The following SDK1 variants were observed in gnomAD, a reference collection of about 807,000 sequenced individuals.
SDK1 encodes the protein protein sidekick-1.
In SDK1, 157 loss-of-function variants were observed where a neutral mutation model predicts 245.5. The observed-to-expected ratio is 0.64, with a 90% CI of 0.56 to 0.73. The LOEUF (loss-of-function observed/expected upper bound fraction) is 0.73. Ranked by LOEUF, SDK1 falls within the 30% of genes least tolerant of loss-of-function variation. The pLI, the probability that SDK1 is intolerant of heterozygous loss-of-function variation, is 0.00. For missense variants in SDK1, 3,583 were observed against 3,002.3 expected, an observed-to-expected ratio of 1.19 and a Z score of -4.52; for synonymous variants, 1,647 against 1,278.5, an observed-to-expected ratio of 1.29 and a Z score of -6.15.
intron 2 of SDK1, among the ~76,000 whole-genome samples, chr7:3,621,719 G>A (rs1781945217): frequency 6.6e-6 from 1 of 152,174 alleles, no homozygotes; most frequent in Admixed American, 6.5e-5. Context: ...TACCTTATCT[G>A]AGTCTTCCTG....
chr7:3,557,572 T>C (rs927057029), intron 1 of SDK1, among the ~76,000 whole-genome samples: 1 of 152,188 alleles, frequency 6.6e-6, no homozygotes, highest in East Asian at 1.9e-4. Context: ...CACCTACAAG[T>C]AAATATCAAA....
At chr7:3,776,250 T>G (rs1293143751) in intron 4 of SDK1, among the ~76,000 whole-genome samples, 2 of 152,194 alleles carry the variant, frequency 1.3e-5, no homozygotes, top group African/African-American at 4.8e-5. Flanking sequence ...ACATTGTCAA[T>G]TTGGTGTGCA....
chr7:3,947,900 A>C (rs1167422290), intron 5 of SDK1, among the ~76,000 whole-genome samples: 1 of 152,138 alleles, frequency 6.6e-6, no homozygotes, highest in Non-Finnish European at 1.5e-5. Flanking sequence ...ATAAAACACT[A>C]ACAGATTTAG....
chr7:3,605,139 A>C (rs1264336983), intron 1 of SDK1, among the ~76,000 whole-genome samples: 1 of 71,290 alleles, frequency 1.4e-5, no homozygotes, highest in Non-Finnish European at 2.4e-5. Context: ...GAAAAAAAAA[A>C]CAAGAAACAC....
chr7:3,312,655 A>G (rs1365248485), intron 1 of SDK1, among the ~76,000 whole-genome samples: 3 of 152,312 alleles, frequency 2.0e-5, no homozygotes, highest in Admixed American at 1.3e-4. Context: ...TGAAAAATCA[A>G]TAGATTTTTA....
chr7:3,330,481 G>A (rs1022754920), intron 1 of SDK1, among the ~76,000 whole-genome samples: 2 of 152,132 alleles, frequency 1.3e-5, no homozygotes, highest in Non-Finnish European at 2.9e-5. Context: ...TCAGGGTGAG[G>A]CCTCCATGAT....
intron 28 of SDK1, among the ~76,000 whole-genome samples, chr7:4,140,312 G>A (rs747927435): frequency 5.3e-5 from 8 of 152,100 alleles, no homozygotes; most frequent in East Asian, 1.9e-4. Context: ...GGCTCTTCCC[G>A]AGGACTCTCT....
chr7:4,005,054 T>TTTTTC lies in SDK1; in HGVS notation c.2132-5908_2132-5907insCTTTT, dbSNP rs1554302324. Among the ~76,000 whole-genome samples the TTTTTC allele has an allele frequency of 6.9e-3, 990 of 143,560 alleles. 23 individuals are homozygous for TTTTTC. Among genetic ancestry groups the TTTTTC allele is most frequent in the African/African-American group, 0.025 (943 of 37,598 alleles). The allele number at this position is 143,560 out of a possible 152,430, so 94.2% of individuals were successfully genotyped here. Reference sequence around the variant, plus strand: ...GTTCCTGCACCTTTTTTTTTTTTTTTTTTTTTTTTTGAGACGGAGTCTTGC... The same window carrying TTTTTC: ...GTTCCTGCACCTTTTTTTTTTTTTTTTTTTCTTTTTTTTTTGAGACGGAGTCTTGC... On this transcript the variant is annotated intron_variant, in intron 14 of 44. Transcript: ENST00000404826.
intron 9 of SDK1, among the ~76,000 whole-genome samples, 182 bp from the exon 10 acceptor site, chr7:3,967,136 G>A (rs1268782904): frequency 6.6e-6 from 1 of 152,198 alleles, no homozygotes; most frequent in Non-Finnish European, 1.5e-5. Context: ...TGTAAACAAA[G>A]ATCGGTAACT....
chr7:3,820,003 T>C (rs746847499), intron 4 of SDK1, among the ~76,000 whole-genome samples: 8 of 152,156 alleles, frequency 5.3e-5, no homozygotes, highest in Non-Finnish European at 8.8e-5. Context: ...ACAATTGTGG[T>C]GGGTAACACA....
intron 19 of SDK1, among the ~76,000 whole-genome samples, chr7:4,056,630 A>G (rs899423581): frequency 6.6e-6 from 1 of 152,144 alleles, no homozygotes; most frequent in Non-Finnish European, 1.5e-5. Flanking sequence ...TCCGAGCCAC[A>G]GGAAAGCCCC....
intron 22 of SDK1, among the ~76,000 whole-genome samples, chr7:4,085,458 A>T (rs576756451): frequency 6.6e-6 from 1 of 152,306 alleles, no homozygotes; most frequent in African/African-American, 2.4e-5. Context: ...CATTGTGGTT[A>T]TCTCGATACA....
chr7:3,724,454 C>T (rs1256957264), intron 4 of SDK1, among the ~76,000 whole-genome samples: 1 of 151,978 alleles, frequency 6.6e-6, no homozygotes, highest in Admixed American at 6.6e-5. Context: ...TCTATTGTAC[C>T]ATCACCTTAT....
intron 1 of SDK1, among the ~76,000 whole-genome samples, chr7:3,348,660 C>T (rs1011481892): frequency 6.6e-6 from 1 of 152,060 alleles, no homozygotes; most frequent in East Asian, 1.9e-4. Flanking sequence ...TTTAGTATCC[C>T]CATGTAACCT....
At chr7:3,568,160 G>T (rs1027368085) in intron 1 of SDK1, among the ~76,000 whole-genome samples, 9 of 152,186 alleles carry the variant, frequency 5.9e-5, no homozygotes, top group Non-Finnish European at 1.5e-5. Flanking sequence ...GAGATTTGTT[G>T]TTTGAACCAG....
At chr7:3,806,362 GGATGTGGATGTCCA>G (rs1779246505) in intron 4 of SDK1, among the ~76,000 whole-genome samples, 4 of 117,522 alleles carry the variant, frequency 3.4e-5, no homozygotes, top group African/African-American at 2.3e-4. Flanking sequence ...GTCCACATTA[GGATGTGGATGTCCA>G]CATTAGGACG....
At chr7:3,860,155 C>G (rs1234198038) in intron 5 of SDK1, among the ~76,000 whole-genome samples, 3 of 152,076 alleles carry the variant, frequency 2.0e-5, no homozygotes, top group Non-Finnish European at 4.4e-5. Context: ...CTCCTGACCT[C>G]GTGATCCGCC....
chr7:3,650,273 G>A (rs1051537606), intron 4 of SDK1, among the ~76,000 whole-genome samples: 3 of 152,234 alleles, frequency 2.0e-5, no homozygotes, highest in Admixed American at 1.3e-4. Context: ...TCCATTCACA[G>A]TGTTGTGCAA....
At chr7:4,243,919 G>T (rs183224569) in intron 43 of SDK1, among the ~76,000 whole-genome samples, 2 of 152,314 alleles carry the variant, frequency 1.3e-5, no homozygotes, top group Admixed American at 6.5e-5. Flanking sequence ...CCCCGTGCAC[G>T]TTTGTGCTTC....
Sources: gnomAD v4.1 joint callset for allele counts (sites outside exome capture counted in the v4.1 genomes callset) on GRCh38, gnomAD v4.1.1 for gene constraint, MANE v1.5 for transcripts, NCBI Gene and HGNC (gene_info 2026-07-23, HGNC 2026-07-21) for gene names.